TLN1: variants seen among roughly 807,000 people sequenced by gnomAD.
The protein encoded by TLN1 is talin-1.
TLN1 carries 56 observed loss-of-function variants against 292.3 expected under a neutral mutation model. The observed-to-expected ratio is 0.19, with a 90% CI of 0.15 to 0.24. TLN1 has a LOEUF of 0.24. Ranked by LOEUF, TLN1 falls within the 10% of genes least tolerant of loss-of-function variation. The pLI, the probability that TLN1 is intolerant of heterozygous loss-of-function variation, is 1.00. For synonymous variants in TLN1, 1,119 were observed against 1,253.7 expected (o/e 0.89, Z 2.27); for missense variants, 2,433 against 3,248.2 (o/e 0.75, Z 6.10).
In TLN1 at chr9:35,708,430, G is replaced by A. The variant is rs763938567; in HGVS notation, c.4381C>T (p.Leu1461=). The A allele has an allele frequency of 5.6e-6, 9 of 1,608,938 alleles. No individual in the cohort carries two copies. In the Admixed American group the frequency reaches 8.4e-5, roughly 15 times the overall value. The change falls in exon 34 of 57, where the codon CTA becomes TTA. Residue 1461 remains leucine (L), a synonymous_variant. Coordinates refer to ENST00000314888, the MANE Select transcript of TLN1 (RefSeq NM_006289.4). The part of the protein sequence containing the change: ...DPNSQAGQQG[L]VEPTQFARAN... Reference sequence around the variant, plus strand: ...CGGGCAAACTGTGTGGGCTCCACTAGCCCTTGCTGTCCAGCTTGGCTATTG... The same window carrying A: ...CGGGCAAACTGTGTGGGCTCCACTAACCCTTGCTGTCCAGCTTGGCTATTG...
chr9:35,723,472 G>A, intron 7 of TLN1: 1 of 187,162 alleles, frequency 5.3e-6, no homozygotes, highest in South Asian at 9.6e-5. Context: ...TAAGTTAGAG[G>A]CTCAGTCCCT....
intron 41 of TLN1, 35 bp downstream of exon 41, chr9:35,705,927 A>G (rs903484937): frequency 1.2e-6 from 2 of 1,614,078 alleles, no homozygotes; most frequent in Non-Finnish European, 1.7e-6. Context: ...GGCCCAGGGT[A>G]GCCTCAGTGT....
intron 1 of TLN1, among the ~76,000 whole-genome samples, chr9:35,727,806 T>G (rs1388201795): frequency 6.6e-6 from 1 of 152,066 alleles, no homozygotes; most frequent in Non-Finnish European, 1.5e-5. Context: ...CCCTTCCTCC[T>G]CAAGCACGGA....
Position 35,704,470 on chromosome 9 carries a change from G to C in TLN1, c.5909C>G (p.Ala1970Gly). 1 of 1,612,824 alleles carries C rather than the reference G, an allele frequency of 6.2e-7. No individual in the cohort carries two copies. The change falls in exon 45 of 57, where the codon GCT (alanine) becomes GGT (glycine). Residue 1970 changes from alanine (A) to glycine (G), a missense_variant. Physicochemically the swap from Ala to Gly is moderately conservative, Grantham distance 60. Coordinates refer to ENST00000314888, the MANE Select transcript of TLN1 (RefSeq NM_006289.4). This position sits in a 1 kb window ranked among gnomAD's most constrained non-coding sequence, Gnocchi z 6.9. ...GCAGGCCTGGGTGCCACGATTCCCAGCCTGGAGCGCAGCCAGGACGTGGGA... is the reference window on the plus strand; with the variant it reads ...GCAGGCCTGGGTGCCACGATTCCCACCCTGGAGCGCAGCCAGGACGTGGGA... ...KVSHVLAALQ[A>G]GNRGTQACIT...
In TLN1 at chr9:35,717,756, C is replaced by T; in HGVS notation, c.2026G>A (p.Ala676Thr). Residue 676 changes from alanine to threonine, a missense_variant, in exon 18 of 57, where the codon GCA (alanine) becomes ACA (threonine). Physicochemically the swap from Ala to Thr is moderately conservative, Grantham distance 58. Around this residue, in one of 7 missense-constraint regions of TLN1, gnomAD observed 617 missense variants for 770.6 expected, o/e 0.80. Transcript: ENST00000314888. The surrounding 1 kb of genome is among the most constrained non-coding windows in gnomAD (Gnocchi z 4.7). ...DALMQLAKAV[A>T]SAAAALVLKA... ...AGGACCAGGGCAGCTGCAGCACTTG[C>T]CACAGCTTTGGCGAGCTGCATTAGC... The T allele has an allele frequency of 1.2e-6, 2 of 1,608,884 alleles. No individual in the cohort carries two copies. The highest frequency in any genetic ancestry group is 2.2e-5 in the South Asian group (2 of 90,942).
Position 35,707,043 on chromosome 9 carries a change from A to G in TLN1, c.4955+29T>C, listed in dbSNP as rs1256154103. On this transcript the variant is annotated intron_variant, in intron 37 of 56. Coordinates refer to ENST00000314888, the MANE Select transcript of TLN1 (RefSeq NM_006289.4). This position sits in a 1 kb window ranked among gnomAD's most constrained non-coding sequence, Gnocchi z 5.6. The stretch of plus-strand genomic sequence containing the variant: ...CATTCTGCCACAATGTATGCCCCCC[A>G]GCCACACTGGTTCCCCATCCCTCAA... 1.9e-6 allele frequency: 3 copies of G among 1,609,454 alleles called. No individual in the cohort carries two copies. The Admixed American group carries it at 5.1e-5, about 28-fold the overall frequency.
At chr9:35,726,896 T>C (rs1825987136) in intron 1 of TLN1, among the ~76,000 whole-genome samples, 1 of 152,194 alleles carries the variant, frequency 6.6e-6, no homozygotes, top group South Asian at 2.1e-4. Context: ...TTGTTCCAAG[T>C]CATCAAGTTA....
In TLN1 at chr9:35,708,421, G is replaced by C. The variant is rs1825603553; in HGVS notation, c.4390C>G (p.Pro1464Ala). The C allele has an allele frequency of 2.5e-6, 4 of 1,611,292 alleles. No individual in the cohort carries two copies. Among genetic ancestry groups the C allele is most frequent in the Non-Finnish European group, 3.4e-6 (4 of 1,178,450 alleles). Residue 1464 changes from proline (P) to alanine (A), a missense_variant, in exon 34 of 57, where the codon CCC (proline) becomes GCC (alanine). This residue lies in a region of TLN1 where 1,384 missense variants were observed against 1,699.6 expected (regional missense o/e 0.81). Transcript: ENST00000314888. ...SQAGQQGLVE[P>A]TQFARANQAI... ...TGGTTTGCACGGGCAAACTGTGTGG[G>C]CTCCACTAGCCCTTGCTGTCCAGCT...
At chr9:35,700,467 T>A in intron 48 of TLN1, 91 bp from the exon 49 acceptor site, 2 of 1,318,952 alleles carry the variant, frequency 1.5e-6, no homozygotes, top group Non-Finnish European at 2.1e-6. Flanking sequence ...GGTGCAGACA[T>A]TCACACATCA....
chr9:35,726,148 G>C (rs911757064), intron 1 of TLN1, among the ~76,000 whole-genome samples: 3 of 152,086 alleles, frequency 2.0e-5, no homozygotes, highest in African/African-American at 7.2e-5. Flanking sequence ...TCCTGACCTC[G>C]TGATCCACCT....
rs1196182420 is a variant in TLN1 at position 35,717,193 on chromosome 9, G to A, written c.2411C>T (p.Thr804Ile). 2.5e-6 allele frequency: 4 copies of A among 1,612,476 alleles called. No individual in the cohort carries two copies. Among genetic ancestry groups the A allele is most frequent in the Non-Finnish European group, 3.4e-6 (4 of 1,178,652 alleles). ...GATGTTCTCAGTGACGGTTAGGATG[G>A]TGTCAGTAGCCTGGTCATAACGGCC... ...PAGRYDQATD[T>I]ILTVTENIFS... Residue 804 changes from threonine to isoleucine, a missense_variant, in exon 19 of 57, where the codon ACC (threonine) becomes ATC (isoleucine). Physicochemically the swap from Thr to Ile is moderately conservative, Grantham distance 89. Around this residue, in one of 7 missense-constraint regions of TLN1, gnomAD observed 617 missense variants for 770.6 expected, o/e 0.80. Transcript: ENST00000314888. The surrounding 1 kb of genome is among the most constrained non-coding windows in gnomAD (Gnocchi z 4.7).
chr9:35,711,669 G>A lies in TLN1; in HGVS notation c.3805C>T (p.Arg1269Ter), dbSNP rs1825671206. The A allele has an allele frequency of 1.2e-6, 2 of 1,614,168 alleles. No individual in the cohort carries two copies. Among genetic ancestry groups the A allele is most frequent in the Non-Finnish European group, 1.7e-6 (2 of 1,180,044 alleles). ...TCCTGTCCAAATCGGCCTGAGGCTC[G>A]AGCCAGGTCCTGAGGGGTTCCCCGA... is the stretch of plus-strand genomic sequence containing the variant. The part of the protein sequence containing the change: ...ASRGTPQDLA[R>*]ASGRFGQDFS... The change falls in exon 29 of 57, where the codon CGA becomes TGA. Residue 1269 changes from arginine to a stop codon, truncating the protein, a stop_gained. Transcript: ENST00000314888. LOFTEE classifies it high-confidence loss of function.
Position 35,724,305 on chromosome 9 carries a change from TC to T in TLN1, c.540del (p.Arg181GlyfsTer5). 6.2e-7 allele frequency: 1 copy of T among 1,614,168 alleles called. No individual in the cohort carries two copies. The highest frequency in any genetic ancestry group is 8.5e-7 in the Non-Finnish European group (1 of 1,180,032). ...TCGTGCTCCTCTACACCCTGCTCCC[TC>T]AGTGTCCGACCATGGTCCAGCCAGT... ...ELNWLDHGRT[L>X]REQGVEEHET... On this transcript the variant is annotated frameshift_variant, in exon 6 of 57. Transcript: ENST00000314888. LOFTEE classifies it high-confidence loss of function. This position sits in a 1 kb window ranked among gnomAD's most constrained non-coding sequence, Gnocchi z 4.7.
chr9:35,710,536 A>G (rs373951390), intron 33 of TLN1, 25 bp downstream of exon 33: 5 of 1,601,904 alleles, frequency 3.1e-6, no homozygotes, highest in South Asian at 1.1e-5. Flanking sequence ...GGGGCCATTC[A>G]AAGAACCCAT....
Position 35,711,995 on chromosome 9 carries a change from GTCC to G in TLN1, c.3681+7_3681+9del. The G allele has an allele frequency of 6.2e-7, 1 of 1,613,238 alleles. No homozygotes were observed. The highest frequency in any genetic ancestry group is 8.5e-7 in the Non-Finnish European group (1 of 1,179,798). On this transcript the variant is annotated splice_region_variant and intron_variant, in intron 28 of 56. Transcript: ENST00000314888. ...CTCCTACGTTCCCCCACCCCCTACC[GTCC>G]TCCTACCGAGTCACTCAGGAGTCGC...
chr9:35,714,560 AG>A lies in TLN1; in HGVS notation c.2985+13del. ...GGAAGGTCAGGTCAGAGAAGTGCAG[AG>A]GGGGTGCCTTGCCTGCAGGAAGCTC... On this transcript the variant is annotated intron_variant, in intron 23 of 56. Coordinates refer to ENST00000314888, the MANE Select transcript of TLN1 (RefSeq NM_006289.4). The surrounding 1 kb of genome is among the most constrained non-coding windows in gnomAD (Gnocchi z 4.6). 1.2e-6 allele frequency: 2 copies of A among 1,606,584 alleles called. No homozygotes were observed.
chr9:35,714,322 C>T lies in TLN1; in HGVS notation c.3037G>A (p.Asp1013Asn), dbSNP rs1825737318. 1.9e-6 allele frequency: 3 copies of T among 1,613,768 alleles called. No homozygotes were observed. ...CTCAGCTGCATGGCTGAAGCCTGGT[C>T]CTGAATCGTTGGCACTGAGGCCTTT... Reference protein sequence around the residue: ...AAKASVPTIQDQASAMQLSQC... With the variant: ...AAKASVPTIQNQASAMQLSQC... The change falls in exon 24 of 57, where the codon GAC (aspartate) becomes AAC (asparagine). Residue 1013 changes from aspartate (D) to asparagine (N), a missense_variant. Asp to Asn is a conservative substitution (Grantham distance 23, BLOSUM62 1). Around this residue, in one of 7 missense-constraint regions of TLN1, gnomAD observed 617 missense variants for 770.6 expected, o/e 0.80. Transcript: ENST00000314888. This position sits in a 1 kb window ranked among gnomAD's most constrained non-coding sequence, Gnocchi z 4.6.
In TLN1 at chr9:35,725,590, C is replaced by A. The variant is rs563790106; in HGVS notation, c.105G>T (p.Arg35=). Residue 35 remains arginine (R), a synonymous_variant, in exon 2 of 57, where the codon CGG becomes CGT. Transcript: ENST00000314888. ...VYDACRIIRE[R]IPEAPAGPPS... is the part of the protein sequence containing the mutation. ...GAGGACCAGCTGGGGCCTCTGGGATCCGCTCACGAATGATGCGGCAGGCGT... is the reference window on the plus strand; with the variant it reads ...GAGGACCAGCTGGGGCCTCTGGGATACGCTCACGAATGATGCGGCAGGCGT... 1.9e-6 allele frequency: 3 copies of A among 1,613,536 alleles called. No homozygotes were observed. In the South Asian group the frequency reaches 3.3e-5, roughly 18 times the overall value.
chr9:35,727,282 G>A (rs1437309642), intron 1 of TLN1, among the ~76,000 whole-genome samples: 1 of 152,162 alleles, frequency 6.6e-6, no homozygotes, highest in African/African-American at 2.4e-5. Flanking sequence ...AGCAGAGATG[G>A]GGGTGTTAGG....
Sources: gnomAD v4.1 joint callset for allele counts (sites outside exome capture counted in the v4.1 genomes callset) on GRCh38, gnomAD v4.1.1 for gene constraint, gnomAD v4.1.1 regional missense constraint, Gnocchi (gnomAD v3.1) non-coding constraint, MANE v1.5 for transcripts, NCBI Gene and HGNC (gene_info 2026-07-23, HGNC 2026-07-21) for gene names.